The following USP3 variants were observed in gnomAD, a reference collection of about 807,000 sequenced individuals.
USP3 encodes ubiquitin carboxyl-terminal hydrolase 3.
USP3 carries 20 observed loss-of-function variants against 72.3 expected under a neutral mutation model. The ratio of observed to expected loss-of-function variants is 0.28; its 90% CI spans 0.19 to 0.40. USP3 has a LOEUF of 0.40. Ranked by LOEUF, USP3 falls within the 10% of genes least tolerant of loss-of-function variation. USP3 has a pLI of 1.00. For synonymous variants in USP3, 222 were observed against 225.3 expected (o/e 0.99, Z 0.13); for missense variants, 479 against 633.9 (o/e 0.76, Z 2.62).
In USP3 at chr15:63,544,619, G is replaced by A. The variant is rs1169224498; in HGVS notation, c.284+7463G>A. ...AGAAAACGATTGAGCCATGCTGTGT[G>A]TTTTCATTTTTGGAGAATGGGGGAA... On this transcript the variant is annotated intron_variant, in intron 3 of 14. Transcript: ENST00000380324. The surrounding 1 kb of genome is among the most constrained non-coding windows in gnomAD (Gnocchi z 4.2). 7.2e-6 allele frequency: 5 copies of A among 692,042 alleles called. No individual in the cohort carries two copies. Among genetic ancestry groups the A allele is most frequent in the Non-Finnish European group, 7.9e-6 (3 of 380,020 alleles). The allele number at this position is 692,042 out of a possible 1,614,324, so 42.9% of individuals were successfully genotyped here.
At chr15:63,517,652 G>A (rs1226604268) in intron 1 of USP3, among the ~76,000 whole-genome samples, 3 of 152,048 alleles carry the variant, frequency 2.0e-5, no homozygotes, top group Non-Finnish European at 2.9e-5. Context: ...TGAGTTTTTC[G>A]GTTTTCCCTC....
chr15:63,551,523 G>GA (rs1450235292), intron 3 of USP3, among the ~76,000 whole-genome samples: 18 of 151,934 alleles, frequency 1.2e-4, no homozygotes, highest in Non-Finnish European at 1.9e-4. Flanking sequence ...TTGTTGCATA[G>GA]AAAAATCATA....
rs1184833796 is a variant in USP3, at chr15:63,547,741, AGAGGGAGG to A, written c.285-5958_285-5951del. 8.7e-3 allele frequency among the ~76,000 whole-genome samples: 97 copies of A among 11,122 alleles called. 5 individuals carry two copies. The highest frequency in any genetic ancestry group is 0.018 in the Non-Finnish European group (72 of 3,974). 7.3% of individuals were successfully genotyped at this position (11,122 alleles called of 152,430 possible). ...TCTCAATAGAGAGAGAGAGAGAGAG[AGAGGGAGG>A]GAGGGAGGGAGGGAGAGAGAGAGAG... On this transcript the variant is annotated intron_variant, in intron 3 of 14. Transcript: ENST00000380324.
chr15:63,580,218 T>G (rs923695589), intron 11 of USP3, among the ~76,000 whole-genome samples: 4 of 152,114 alleles, frequency 2.6e-5, no homozygotes, highest in Non-Finnish European at 5.9e-5. Context: ...CATGGAAATA[T>G]GTGTGTGGAA....
rs761724744 is a variant in USP3, at chr15:63,529,298, ATC to A, written c.92-3347_92-3346del. ...TTACTTTCTCTCCTTATCATTACGT[ATC>A]TGTCTGTCTAATTGATGCACAATTC... On this transcript the variant is annotated intron_variant, in intron 1 of 14. Transcript: ENST00000380324. The surrounding 1 kb of genome is among the most constrained non-coding windows in gnomAD (Gnocchi z 4.2). 28 of 365,636 alleles carry A rather than the reference ATC, an allele frequency of 7.7e-5. No homozygotes were observed. The highest frequency in any genetic ancestry group is 1.0e-5 in the Non-Finnish European group (2 of 190,932). 22.6% of individuals were successfully genotyped at this position (365,636 alleles called of 1,614,324 possible).
In USP3 at chr15:63,529,169, A is replaced by T; in HGVS notation, c.92-3478A>T. ...GCAATCACCACCACACTTGGCAGGT[A>T]GTAAAGTGGTTTTTTTTTTTTTCTT... On this transcript the variant is annotated intron_variant, in intron 1 of 14. Coordinates refer to ENST00000380324, the MANE Select transcript of USP3 (RefSeq NM_006537.4). The surrounding 1 kb of genome is among the most constrained non-coding windows in gnomAD (Gnocchi z 4.2). 2 of 683,288 alleles carry T rather than the reference A, an allele frequency of 2.9e-6. No individual in the cohort carries two copies. The highest frequency in any genetic ancestry group is 4.5e-6 in the Non-Finnish European group (2 of 445,558). The allele number at this position is 683,288 out of a possible 1,614,324, so 42.3% of individuals were successfully genotyped here.
At chr15:63,566,133 C>T (rs1305730009) in intron 8 of USP3, among the ~76,000 whole-genome samples, 2 of 152,128 alleles carry the variant, frequency 1.3e-5, no homozygotes, top group Non-Finnish European at 2.9e-5. Flanking sequence ...TTTGTCTTGA[C>T]TTCCCAAGAT....
rs2067258542 is a variant in USP3 at position 63,594,524 on chromosome 15, G to A, written c.*3698G>A. ...TAAAACCCAGTTTGTATGATGCCAA[G>A]AGGATTAATTGTGCAAGTGACTGAT... On this transcript the variant is annotated 3_prime_UTR_variant, in exon 15 of 15. Coordinates refer to ENST00000380324, the MANE Select transcript of USP3 (RefSeq NM_006537.4). 1 of 152,218 alleles carries A rather than the reference G, an allele frequency of 6.6e-6. No homozygotes were observed. Among genetic ancestry groups the A allele is most frequent in the African/African-American group, 2.4e-5 (1 of 41,438 alleles). 9.4% of individuals were successfully genotyped at this position (152,218 alleles called of 1,614,324 possible).
chr15:63,569,858 A>G (rs2066751507), intron 8 of USP3, among the ~76,000 whole-genome samples: 1 of 152,244 alleles, frequency 6.6e-6, no homozygotes, highest in Non-Finnish European at 1.5e-5. Flanking sequence ...GAGCCAATGC[A>G]TTTTTAAAAA....
intron 1 of USP3, among the ~76,000 whole-genome samples, chr15:63,516,399 A>C (rs933924969): frequency 6.6e-6 from 1 of 152,050 alleles, no homozygotes; most frequent in Non-Finnish European, 1.5e-5. Flanking sequence ...CTTGGATCCC[A>C]TGTCTTGTTT....
chr15:63,575,193 C>A (rs1296008604), intron 11 of USP3, among the ~76,000 whole-genome samples: 1 of 143,548 alleles, frequency 7.0e-6, no homozygotes, highest in Non-Finnish European at 1.5e-5. Context: ...AAACAAACTG[C>A]ACTGTCCAAT....
chr15:63,548,676 C>T (rs1433311689), intron 3 of USP3, among the ~76,000 whole-genome samples: 8 of 151,986 alleles, frequency 5.3e-5, no homozygotes, highest in African/African-American at 1.9e-4. Flanking sequence ...GCTATGTTGC[C>T]CAGGCTGGCC....
chr15:63,530,843 A>G (rs1246642065), intron 1 of USP3, among the ~76,000 whole-genome samples: 1 of 152,170 alleles, frequency 6.6e-6, no homozygotes, highest in East Asian at 1.9e-4. Context: ...AGTACAAATA[A>G]AAAGCCAGCA....
intron 7 of USP3, 125 bp from the exon 8 acceptor site, chr15:63,562,770 C>A: frequency 1.7e-6 from 1 of 572,130 alleles, no homozygotes; most frequent in South Asian, 3.0e-5. Flanking sequence ...AGACTTTCTT[C>A]AGAAAAGACC....
At chr15:63,523,654 T>C (rs1225661657) in intron 1 of USP3, among the ~76,000 whole-genome samples, 6 of 152,152 alleles carry the variant, frequency 3.9e-5, no homozygotes, top group Non-Finnish European at 8.8e-5. Context: ...TGTGGAACAA[T>C]TTGCTAGGAA....
chr15:63,520,690 A>G (rs2065909423), intron 1 of USP3, among the ~76,000 whole-genome samples: 1 of 150,078 alleles, frequency 6.7e-6, no homozygotes, highest in Non-Finnish European at 1.5e-5. Context: ...CAGCCTCCCG[A>G]GTGGCTGGGA....
At chr15:63,590,561 G>T in intron 14 of USP3, 100 bp from the exon 15 acceptor site, 1 of 1,141,268 alleles carries the variant, frequency 8.8e-7, no homozygotes, top group Non-Finnish European at 1.2e-6. Context: ...AAAAGTCTAG[G>T]ATGTATTCTT....
At position 63,532,004 on chromosome 15, in the gene USP3, AT is replaced by A. The variant is rs573264243; in HGVS notation, c.92-642del. Among the ~76,000 whole-genome samples the A allele has an allele frequency of 8.5e-4, 129 of 152,344 alleles. 1 individual carries two copies. The highest frequency in any genetic ancestry group is 3.0e-3 in the African/African-American group (124 of 41,596). On this transcript the variant is annotated intron_variant, in intron 1 of 14. Transcript: ENST00000380324. The stretch of plus-strand genomic sequence containing the variant: ...TTACTTATATAGGACTTATTAAAAA[AT>A]GAATGAGTAGACAGCAAGCAAAATT...
Position 63,528,935 on chromosome 15 carries a change from A to C in USP3, c.92-3712A>C. The stretch of plus-strand genomic sequence containing the variant: ...TAATTTGGATGAAGCATGTATAAAC[A>C]GAGTGAATATTCCCCAAAGCAATGC... On this transcript the variant is annotated intron_variant, in intron 1 of 14. Transcript: ENST00000380324. This position sits in a 1 kb window ranked among gnomAD's most constrained non-coding sequence, Gnocchi z 4.3. 8.9e-7 allele frequency: 1 copy of C among 1,122,278 alleles called. No individual in the cohort carries two copies. The highest frequency in any genetic ancestry group is 1.2e-6 in the Non-Finnish European group (1 of 843,928). 69.5% of individuals were successfully genotyped at this position (1,122,278 alleles called of 1,614,324 possible).
Sources: gnomAD v4.1 joint callset for allele counts (sites outside exome capture counted in the v4.1 genomes callset) on GRCh38, gnomAD v4.1.1 for gene constraint, Gnocchi (gnomAD v3.1) non-coding constraint, MANE v1.5 for transcripts, NCBI Gene and HGNC (gene_info 2026-07-23, HGNC 2026-07-21) for gene names.